Variants in RAPGEF4 observed in about 807,000 individuals in gnomAD.
RAPGEF4 encodes RAP guanine-nucleotide-exchange factor (GEF) 4.
A neutral mutation model predicts 147.9 loss-of-function variants in RAPGEF4; 66 were observed. That is an observed-to-expected ratio of 0.45 (90% confidence interval 0.37 to 0.55). The LOEUF (loss-of-function observed/expected upper bound fraction) is 0.55. Ranked by LOEUF, RAPGEF4 falls within the 20% of genes least tolerant of loss-of-function variation. The pLI is 0.00. For synonymous variants in RAPGEF4, 419 were observed against 442.7 expected (o/e 0.95, Z 0.67); for missense variants, 1,071 against 1,257.3 (o/e 0.85, Z 2.24).
At chr2:172,742,671 A>G (rs545753627) in intron 1 of RAPGEF4, among the ~76,000 whole-genome samples, 4 of 152,212 alleles carry the variant, frequency 2.6e-5, no homozygotes, top group African/African-American at 9.6e-5. Context: ...CACATGACAT[A>G]TATATTTGGA....
chr2:172,863,878 A>G (rs750931663), intron 4 of RAPGEF4, among the ~76,000 whole-genome samples: 1 of 152,226 alleles, frequency 6.6e-6, no homozygotes, highest in Non-Finnish European at 1.5e-5. Context: ...TAGCAAAACC[A>G]CTTTTCATGT....
chr2:173,006,016 A>G (rs1278519010), intron 17 of RAPGEF4, among the ~76,000 whole-genome samples: 1 of 152,212 alleles, frequency 6.6e-6, no homozygotes, highest in African/African-American at 2.4e-5. Flanking sequence ...TCACTTGCCA[A>G]AGACTGGTTC....
chr2:172,942,026 G>A (rs1174057474), intron 6 of RAPGEF4, among the ~76,000 whole-genome samples: 1 of 151,594 alleles, frequency 6.6e-6, no homozygotes, highest in Non-Finnish European at 1.5e-5. Context: ...GAGTTTAACT[G>A]ACAAATAATA....
intron 4 of RAPGEF4, among the ~76,000 whole-genome samples, chr2:172,861,090 ACT>A (rs955209277): frequency 3.9e-5 from 6 of 152,260 alleles, no homozygotes; most frequent in African/African-American, 1.4e-4. Context: ...AATGGGTGGA[ACT>A]CTCTGAGATA....
chr2:172,876,376 G>A (rs1026742536), intron 4 of RAPGEF4, among the ~76,000 whole-genome samples: 1 of 152,080 alleles, frequency 6.6e-6, no homozygotes, highest in African/African-American at 2.4e-5. Context: ...TATGATATTG[G>A]ATGTGGGTTT....
At chr2:172,952,185 TA>T (rs1688270613) in intron 6 of RAPGEF4, among the ~76,000 whole-genome samples, 2 of 152,244 alleles carry the variant, frequency 1.3e-5, no homozygotes, top group Admixed American at 6.5e-5. Context: ...TATTTTTTTT[TA>T]AATTAGAGAT....
rs536383616 is a variant in RAPGEF4 at position 173,026,888 on chromosome 2, G to A, written c.2379+191G>A. Among the ~76,000 whole-genome samples the A allele has an allele frequency of 1.2e-3, 183 of 152,164 alleles. 1 individual carries two copies. Among genetic ancestry groups the A allele is most frequent in the African/African-American group, 4.1e-3 (172 of 41,510 alleles). ...TAAAGAAAAATCTTTACAGTATGCCGTGTCTTCCTGTGTATATTAAGCCAG... is the reference window on the plus strand; with the variant it reads ...TAAAGAAAAATCTTTACAGTATGCCATGTCTTCCTGTGTATATTAAGCCAG... On this transcript the variant is annotated intron_variant, in intron 24 of 30. Coordinates refer to ENST00000397081, the MANE Select transcript of RAPGEF4 (RefSeq NM_007023.4).
intron 17 of RAPGEF4, among the ~76,000 whole-genome samples, chr2:173,009,424 C>T (rs962729305): frequency 1.6e-4 from 24 of 152,302 alleles, no homozygotes; most frequent in Non-Finnish European, 2.9e-4. Context: ...TTTACGACCT[C>T]GTTCCTTCTG....
intron 4 of RAPGEF4, among the ~76,000 whole-genome samples, chr2:172,824,217 C>A (rs1026108688): frequency 1.3e-5 from 2 of 152,220 alleles, no homozygotes; most frequent in East Asian, 3.9e-4. Flanking sequence ...TTAGAAGTAT[C>A]TGGGAAGCTT....
intron 4 of RAPGEF4, among the ~76,000 whole-genome samples, chr2:172,908,355 G>A (rs1031924383): frequency 2.0e-5 from 3 of 152,156 alleles, no homozygotes; most frequent in Admixed American, 6.5e-5. Context: ...TCCCACACTG[G>A]GTGTCTGCAC....
At chr2:172,995,650 C>G (rs1693280720) in intron 15 of RAPGEF4, among the ~76,000 whole-genome samples, 1 of 152,148 alleles carries the variant, frequency 6.6e-6, no homozygotes, top group Non-Finnish European at 1.5e-5. Flanking sequence ...AAGAGAAGCA[C>G]TCAGATCATC....
At chr2:172,876,859 T>C (rs991691947) in intron 4 of RAPGEF4, among the ~76,000 whole-genome samples, 109 of 152,362 alleles carry the variant, frequency 7.2e-4, no homozygotes, top group Non-Finnish European at 2.1e-4. Flanking sequence ...AATTTGGCTG[T>C]GAATCAGTCT....
At chr2:172,990,783 T>A in intron 14 of RAPGEF4, 27 bp from the exon 15 acceptor site, 1 of 1,547,392 alleles carries the variant, frequency 6.5e-7, no homozygotes, top group Non-Finnish European at 8.9e-7. Context: ...CGGCAGCATC[T>A]GTATGTGGTG....
chr2:172,872,965 C>T (rs144847090), intron 4 of RAPGEF4, among the ~76,000 whole-genome samples: 3 of 152,164 alleles, frequency 2.0e-5, no homozygotes, highest in East Asian at 1.9e-4. Context: ...TCAGACTGAC[C>T]GGAACCATTT....
chr2:172,794,195 T>C (rs1255628091), intron 1 of RAPGEF4, among the ~76,000 whole-genome samples: 1 of 151,616 alleles, frequency 6.6e-6, no homozygotes, highest in Non-Finnish European at 1.5e-5. Context: ...CTGGCCAACA[T>C]AGTGAAACCC....
chr2:173,018,959 G>A (rs1259566962), intron 22 of RAPGEF4, among the ~76,000 whole-genome samples, 157 bp downstream of exon 22: 1 of 152,232 alleles, frequency 6.6e-6, no homozygotes, highest in African/African-American at 2.4e-5. Context: ...TATGGGTAGA[G>A]GTGGGTTGGG....
chr2:173,015,791 C>T (rs998344451), intron 18 of RAPGEF4, among the ~76,000 whole-genome samples: 12 of 152,144 alleles, frequency 7.9e-5, no homozygotes, highest in East Asian at 3.8e-4. Flanking sequence ...ATCATAAATT[C>T]GCTACAGTGC....
At chr2:173,011,797 T>G (rs1435717729) in intron 17 of RAPGEF4, among the ~76,000 whole-genome samples, 2 of 151,404 alleles carry the variant, frequency 1.3e-5, no homozygotes, top group Admixed American at 1.3e-4. Flanking sequence ...AAAAGCATAT[T>G]AATTCATTTG....
intron 4 of RAPGEF4, among the ~76,000 whole-genome samples, chr2:172,834,457 T>C (rs887823312): frequency 6.6e-6 from 1 of 152,194 alleles, no homozygotes; most frequent in Non-Finnish European, 1.5e-5. Context: ...AAAACTTGAT[T>C]TGGAGATAAT....
Sources: allele counts gnomAD v4.1 joint callset (sites outside exome capture counted in the v4.1 genomes callset), GRCh38; gene constraint gnomAD v4.1.1; transcripts MANE v1.5; gene names NCBI Gene and HGNC (gene_info 2026-07-23, HGNC 2026-07-21).